The following DNASE1 variants were observed in gnomAD, a reference collection of about 807,000 sequenced individuals.
The protein encoded by DNASE1 is deoxyribonuclease-1.
DNASE1 carries 40 observed loss-of-function variants against 33.9 expected under a neutral mutation model. That is an observed-to-expected ratio of 1.18 (90% CI 0.92 to 1.54). DNASE1 has a LOEUF of 1.54. Ranked by LOEUF, DNASE1 falls within the 40% of genes most tolerant of loss-of-function variation. DNASE1 has a pLI of 0.00. For synonymous variants in DNASE1, 216 were observed against 160.0 expected (o/e 1.35, Z -2.64); for missense variants, 518 against 372.6 (o/e 1.39, Z -3.21).
chr16:3,652,357 C>G (rs2042363711), upstream of DNASE1: 1 of 152,496 alleles, frequency 6.6e-6, no homozygotes, highest in African/African-American at 2.4e-5. Flanking sequence ...TGGCCGCCCT[C>G]TAGCTTTACT....
At chr16:3,649,837 C>G (rs564671358), upstream of DNASE1, among the ~76,000 whole-genome samples, 1 of 151,152 alleles carries the variant, frequency 6.6e-6, no homozygotes, top group Middle Eastern at 3.4e-3. Flanking sequence ...TAAGTTAAAT[C>G]GGTAGAAATT....
chr16:3,643,207 C>T (rs1199813448), intron 1 of DNASE1, among the ~76,000 whole-genome samples: 1 of 152,234 alleles, frequency 6.6e-6, no homozygotes, highest in Admixed American at 6.5e-5. Flanking sequence ...GCCGAGGCGG[C>T]TGGACCTGAG....
At chr16:3,645,959 C>T (rs527267589) in intron 1 of DNASE1, among the ~76,000 whole-genome samples, 267 of 152,278 alleles carry the variant, frequency 1.8e-3, no homozygotes, top group Non-Finnish European at 2.9e-3. Flanking sequence ...TACCTGAGTA[C>T]AGGATAGTAG....
chr16:3,636,135 C>G (rs1281518442), intron 1 of DNASE1, among the ~76,000 whole-genome samples: 1 of 151,854 alleles, frequency 6.6e-6, no homozygotes, highest in African/African-American at 2.4e-5. Flanking sequence ...ATTCTTTTCT[C>G]TCTGAGTTTC....
chr16:3,637,123 CAA>C (rs55645773), intron 1 of DNASE1, among the ~76,000 whole-genome samples: 1 of 144,290 alleles, frequency 6.9e-6, no homozygotes. Context: ...GACTCCATCT[CAA>C]AAAAAAAAGA....
chr16:3,649,954 C>T (rs887140083), upstream of DNASE1, among the ~76,000 whole-genome samples: 4 of 151,958 alleles, frequency 2.6e-5, no homozygotes, highest in African/African-American at 4.8e-5. Context: ...AAAGAGTTTT[C>T]GTATGTGGGA....
chr16:3,662,504 G>A, downstream of DNASE1: 1 of 519,284 alleles, frequency 1.9e-6, no homozygotes, highest in Non-Finnish European at 3.6e-6. Flanking sequence ...GGGAGTCTTA[G>A]CTCTCTGAAG....
chr16:3,636,980 T>C (rs1466033822), intron 1 of DNASE1, among the ~76,000 whole-genome samples: 1 of 151,692 alleles, frequency 6.6e-6, no homozygotes, highest in Non-Finnish European at 1.5e-5. Flanking sequence ...AAAAGTTAGC[T>C]GGGCATGGTG....
exon 10 of DNASE1, chr16:3,663,416 A>G: frequency 6.2e-7 from 1 of 1,614,012 alleles, no homozygotes; most frequent in Non-Finnish European, 8.5e-7. Flanking sequence ...AGAGCAGGGG[A>G]TGCCGACCTG....
chr16:3,651,821 C>G (rs1336192233), upstream of DNASE1: 1 of 152,324 alleles, frequency 6.6e-6, no homozygotes, highest in Non-Finnish European at 1.5e-5. Context: ...TACATGGCAG[C>G]ATTGACTGAC....
intron 1 of DNASE1, among the ~76,000 whole-genome samples, chr16:3,630,765 G>A (rs550024942): frequency 6.6e-6 from 1 of 152,160 alleles, no homozygotes; most frequent in Non-Finnish European, 1.5e-5. Flanking sequence ...TACTTGGGAG[G>A]ATGAGGCAGG....
At chr16:3,655,571 G>C in intron 2 of DNASE1, 51 bp downstream of exon 2, 1 of 1,612,502 alleles carries the variant, frequency 6.2e-7, no homozygotes, top group Non-Finnish European at 8.5e-7. Flanking sequence ...TGGAGTCTAG[G>C]GCTGGTGGGC....
chr16:3,630,860 A>G (rs2041674532), intron 1 of DNASE1, among the ~76,000 whole-genome samples: 1 of 152,082 alleles, frequency 6.6e-6, no homozygotes, highest in Admixed American at 6.6e-5. Flanking sequence ...TAAAAATAAA[A>G]AAGTAAGTTT....
exon 10 of DNASE1, chr16:3,664,480 C>A (rs749557962): frequency 5.6e-6 from 9 of 1,597,230 alleles, no homozygotes; most frequent in Admixed American, 1.8e-5. Flanking sequence ...CGGGGCAGGT[C>A]ACCACTTATT....
intron 2 of DNASE1, 109 bp from the exon 3 acceptor site, chr16:3,655,740 C>G (rs767820873): frequency 6.9e-7 from 1 of 1,459,748 alleles, no homozygotes; most frequent in Admixed American, 1.7e-5. Flanking sequence ...CATGAGGCTG[C>G]GGTTAAACCG....
chr16:3,642,609 C>T (rs992774731), upstream of DNASE1, among the ~76,000 whole-genome samples: 1 of 152,134 alleles, frequency 6.6e-6, no homozygotes, highest in African/African-American at 2.4e-5. Context: ...TCGTGGGGCT[C>T]GCATCTAACA....
intron 1 of DNASE1, among the ~76,000 whole-genome samples, chr16:3,629,968 C>G (rs967370597): frequency 3.9e-5 from 6 of 152,166 alleles, no homozygotes; most frequent in Non-Finnish European, 5.9e-5. Context: ...CACCCGCCAC[C>G]ATGCGCGGCT....
chr16:3,643,766 TA>T (rs1596612802), intron 1 of DNASE1, among the ~76,000 whole-genome samples: 1 of 152,142 alleles, frequency 6.6e-6, no homozygotes, highest in African/African-American at 2.4e-5. Flanking sequence ...TTATTTTATT[TA>T]TTTATTTATT....
At position 3,620,652 on chromosome 16, in the gene DNASE1, T is replaced by G. The variant is rs1160195548; in HGVS notation, c.-1359+8646T>G. On this transcript the variant is annotated intron_variant and NMD_transcript_variant, in intron 1 of 11. Transcript: ENST00000570769. ...GTTGATAAAGATATATTTATAGTTT[T>G]TATCATTATAGATTATGCAATAAAT... Among the ~76,000 whole-genome samples the G allele has an allele frequency of 5.3e-5, 8 of 152,328 alleles. No homozygotes were observed. The East Asian group carries it at 7.7e-4, about 15-fold the overall frequency.
Sources: allele counts gnomAD v4.1 joint callset (sites outside exome capture counted in the v4.1 genomes callset), GRCh38; gene constraint gnomAD v4.1.1; transcripts MANE v1.5; gene names NCBI Gene and HGNC (gene_info 2026-07-23, HGNC 2026-07-21).